Variants in TRPM1 observed in about 807,000 individuals in gnomAD.
TRPM1 encodes transient receptor potential cation channel subfamily M member 1.
Under a neutral mutation model 149.4 loss-of-function variants are expected in TRPM1, and 113 were observed. The observed-to-expected ratio is 0.76, with a 90% CI of 0.65 to 0.88. TRPM1 has a LOEUF of 0.88. TRPM1 is among the 40% of genes least tolerant of loss of function. TRPM1 has a pLI of 0.00. For missense variants in TRPM1, 1,976 were observed against 2,038.7 expected, an observed-to-expected ratio of 0.97 and a Z score of 0.59; for synonymous variants, 741 against 759.5, an observed-to-expected ratio of 0.98 and a Z score of 0.40.
intron 20 of TRPM1, 169 bp from the exon 21 acceptor site, chr15:31,035,843 C>A (rs2033343543): frequency 2.1e-6 from 2 of 933,708 alleles, no homozygotes; most frequent in Admixed American, 2.0e-5. Context: ...GACAGAAGAC[C>A]TGGAGGCAGG....
intron 1 of TRPM1, among the ~76,000 whole-genome samples, chr15:31,145,883 A>G (rs1288649351): frequency 1.3e-5 from 2 of 151,986 alleles, no homozygotes; most frequent in African/African-American, 4.8e-5. Flanking sequence ...GTCTTGCACC[A>G]CATGTAAAAT....
intron 3 of TRPM1, chr15:31,070,494 A>T: frequency 1.5e-6 from 1 of 681,298 alleles, no homozygotes; most frequent in Non-Finnish European, 2.7e-6. Flanking sequence ...TGTCTTGATA[A>T]CATCAGTATA....
chr15:31,125,223 C>T (rs2035932320), intron 1 of TRPM1, among the ~76,000 whole-genome samples: 1 of 151,936 alleles, frequency 6.6e-6, no homozygotes, highest in Non-Finnish European at 1.5e-5. Context: ...GAATGTACAA[C>T]ACAAAGAGTA....
intron 21 of TRPM1, among the ~76,000 whole-genome samples, chr15:31,034,836 C>T (rs1407514461): frequency 1.3e-5 from 2 of 152,244 alleles, no homozygotes; most frequent in African/African-American, 4.8e-5. Context: ...TTTGCTGATG[C>T]TTTCCTATGC....
chr15:31,040,032 T>A lies in TRPM1; in HGVS notation c.2316+86A>T. On this transcript the variant is annotated intron_variant, in intron 18 of 27. Coordinates refer to ENST00000256552, the MANE Select transcript of TRPM1 (RefSeq NM_001252024.2). The surrounding 1 kb of genome is among the most constrained non-coding windows in gnomAD (Gnocchi z 4.2). Reference sequence around the variant, plus strand: ...GGGTTGCTAGAAGGAATAAATGAAATAAGCCACAGAAAGTGCTCAGTTCAG... The same window carrying A: ...GGGTTGCTAGAAGGAATAAATGAAAAAAGCCACAGAAAGTGCTCAGTTCAG... The A allele has an allele frequency of 8.4e-7, 1 of 1,193,260 alleles. No homozygotes were observed. The highest frequency in any genetic ancestry group is 1.2e-6 in the Non-Finnish European group (1 of 805,656). 73.9% of individuals were successfully genotyped at this position (1,193,260 alleles called of 1,614,324 possible). A position where few individuals can be genotyped will look rare whatever the true frequency, so the allele number is the denominator to read the frequency against.
At chr15:31,089,334 C>T (rs748171699) in intron 1 of TRPM1, among the ~76,000 whole-genome samples, 1 of 152,110 alleles carries the variant, frequency 6.6e-6, no homozygotes, top group Admixed American at 6.5e-5. Flanking sequence ...GTTAACTTTT[C>T]CCACTTGGTT....
intron 1 of TRPM1, among the ~76,000 whole-genome samples, chr15:31,156,596 G>T (rs1000118790): frequency 2.9e-4 from 44 of 152,078 alleles, no homozygotes; most frequent in Non-Finnish European, 1.2e-4. Flanking sequence ...TATGTGACCT[G>T]TGGGCCACCC....
rs753193614 is a variant in TRPM1 at position 31,067,913 on chromosome 15, G to A, written c.459C>T (p.Thr153=). 2.7e-5 allele frequency: 44 copies of A among 1,613,532 alleles called. No individual in the cohort carries two copies. The highest frequency in any genetic ancestry group is 2.0e-4 in the African/African-American group (15 of 74,868). ...GKGLIKAAMT[T]GAWIFTGGVS... ...CACCCCCGGTGAAGATCCAGGCCCC[G>A]GTGGTCATAGCAGCCTTGATCAGGC... The change falls in exon 5 of 28, where the codon ACC becomes ACT. Residue 153 remains threonine (T), a synonymous_variant. Transcript: ENST00000256552.
upstream of TRPM1, among the ~76,000 whole-genome samples, chr15:31,104,404 G>A (rs2035570099): frequency 6.6e-6 from 1 of 152,104 alleles, no homozygotes; most frequent in African/African-American, 2.4e-5. Flanking sequence ...TTTGTTCCCT[G>A]CACTTCCTGA....
chr15:31,039,254 T>C (rs1482397541), intron 18 of TRPM1, among the ~76,000 whole-genome samples: 1 of 152,194 alleles, frequency 6.6e-6, no homozygotes, highest in African/African-American at 2.4e-5. Context: ...CATCCCCATG[T>C]AGGCGATCTA....
chr15:31,082,572 A>G (rs2034889793), intron 1 of TRPM1, among the ~76,000 whole-genome samples: 1 of 152,246 alleles, frequency 6.6e-6, no homozygotes, highest in African/African-American at 2.4e-5. Flanking sequence ...CTGAGGACCC[A>G]GCGATTTTTC....
intron 1 of TRPM1, among the ~76,000 whole-genome samples, chr15:31,114,132 T>A (rs11070816): frequency 0.41 from 61,806 of 151,972 alleles, 13,224 homozygotes; most frequent in East Asian, 0.73. Flanking sequence ...CACCTCTCAC[T>A]AGTACCCTTA....
At chr15:31,103,816 A>C (rs1347994092), upstream of TRPM1, among the ~76,000 whole-genome samples, 2 of 87,202 alleles carry the variant, frequency 2.3e-5, no homozygotes, top group Admixed American at 1.3e-4. Flanking sequence ...CTGTATCCAA[A>C]AAAAAAAAAA....
chr15:31,039,491 A>G (rs546233342), intron 18 of TRPM1, among the ~76,000 whole-genome samples: 56 of 152,294 alleles, frequency 3.7e-4, no homozygotes, highest in Non-Finnish European at 7.6e-4. Flanking sequence ...GAGCTCTAAA[A>G]TAGATATAAT....
intron 1 of TRPM1, among the ~76,000 whole-genome samples, chr15:31,098,107 G>A (rs878874320): frequency 2.0e-5 from 3 of 152,096 alleles, no homozygotes; most frequent in African/African-American, 7.2e-5. Flanking sequence ...TCTGTGGCGC[G>A]TGTGCTATTT....
chr15:31,124,612 C>CCATCGTA (rs1282008177), intron 1 of TRPM1, among the ~76,000 whole-genome samples: 1 of 145,918 alleles, frequency 6.9e-6, no homozygotes, highest in Non-Finnish European at 1.5e-5. Flanking sequence ...CAAGATCGCA[C>CCATCGTA]CATCGTACTC....
rs189685093 is a variant in TRPM1, at chr15:31,153,105, T to C, written c.54+7801A>G. Among the ~76,000 whole-genome samples the C allele has an allele frequency of 1.4e-3, 211 of 152,376 alleles. 2 individuals are homozygous for C. The highest frequency in any genetic ancestry group is 4.9e-3 in the African/African-American group (202 of 41,594). On this transcript the variant is annotated intron_variant, in intron 1 of 26. Coordinates refer to the TRPM1 transcript ENST00000542188. ...TGGAATGGTCCTTTACAGCTGTCTG[T>C]TGTGGGGAAAATCTACATTCTGTAG...
At chr15:31,036,156 C>T (rs899135466) in intron 20 of TRPM1, among the ~76,000 whole-genome samples, 9 of 152,070 alleles carry the variant, frequency 5.9e-5, no homozygotes, top group African/African-American at 2.2e-4. Context: ...AGAGTCCCCT[C>T]AGTTACTGGT....
At chr15:31,066,966 C>T in intron 6 of TRPM1, 97 bp downstream of exon 6, 2 of 1,532,784 alleles carry the variant, frequency 1.3e-6, no homozygotes, top group East Asian at 2.3e-5. Flanking sequence ...CAAGGGAGCT[C>T]TCTTATTATT....
Sources: allele counts gnomAD v4.1 joint callset (sites outside exome capture counted in the v4.1 genomes callset), GRCh38; gene constraint gnomAD v4.1.1; non-coding constraint Gnocchi (gnomAD v3.1); transcripts MANE v1.5; gene names NCBI Gene and HGNC (gene_info 2026-07-23, HGNC 2026-07-21).